The following AGMO variants were observed in gnomAD, a reference collection of about 807,000 sequenced individuals.
AGMO encodes glyceryl-ether monooxygenase.
Under a neutral mutation model 60.2 loss-of-function variants are expected in AGMO, and 75 were observed. The observed-to-expected ratio is 1.25, with a 90% CI of 1.03 to 1.51. The LOEUF is 1.51. Ranked by LOEUF, AGMO falls within the 40% of genes most tolerant of loss-of-function variation. AGMO has a pLI of 0.00. For synonymous variants in AGMO, 261 were observed against 177.1 expected, an observed-to-expected ratio of 1.47 and a Z score of -3.76; for missense variants, 763 against 525.5, an observed-to-expected ratio of 1.45 and a Z score of -4.42.
intron 3 of AGMO, among the ~76,000 whole-genome samples, chr7:15,445,071 A>T (rs1242031702): frequency 1.3e-5 from 2 of 152,186 alleles, no homozygotes; most frequent in Admixed American, 1.3e-4. Context: ...AATATTTTTT[A>T]ATAATTTTTT....
intron 5 of AGMO, among the ~76,000 whole-genome samples, chr7:15,411,256 C>T (rs544731304): frequency 6.6e-6 from 1 of 152,046 alleles, no homozygotes; most frequent in South Asian, 2.1e-4. Context: ...GCCAAATAAA[C>T]TTCTATTATT....
intron 3 of AGMO, among the ~76,000 whole-genome samples, chr7:15,520,199 A>C (rs1240628399): frequency 6.6e-6 from 1 of 152,170 alleles, no homozygotes; most frequent in African/African-American, 2.4e-5. Flanking sequence ...TTCATAAAGC[A>C]AGTGCTTAGA....
chr7:15,135,482 T>C, the AGMO span, among the ~76,000 whole-genome samples: 4 of 152,216 alleles, frequency 2.6e-5, no homozygotes, highest in Non-Finnish European at 5.9e-5. Context: ...TCTTCAATGT[T>C]TGGAAACAGG....
chr7:15,157,567 A>C, the AGMO span, among the ~76,000 whole-genome samples: 4 of 152,026 alleles, frequency 2.6e-5, no homozygotes, highest in African/African-American at 4.8e-5. Flanking sequence ...CCCCGATCCC[A>C]CACTCCCACC....
At chr7:15,535,196 C>G (rs1427156940) in intron 3 of AGMO, among the ~76,000 whole-genome samples, 2 of 151,822 alleles carry the variant, frequency 1.3e-5, no homozygotes, top group African/African-American at 4.8e-5. Context: ...CAGAGCCTGT[C>G]TCTCGGGGAT....
intron 12 of AGMO, among the ~76,000 whole-genome samples, chr7:15,240,264 T>C (rs920288765): frequency 6.6e-6 from 1 of 152,188 alleles, no homozygotes; most frequent in Non-Finnish European, 1.5e-5. Context: ...ACCATAAATA[T>C]ATTTTTAGCA....
rs539694459 is a variant in AGMO at position 15,372,506 on chromosome 7, T to G, written c.1075-6284A>C. Among the ~76,000 whole-genome samples, 3 of 152,232 alleles carry G rather than the reference T, an allele frequency of 2.0e-5. No homozygotes were observed. The South Asian group carries it at 6.2e-4, about 32-fold the overall frequency. On this transcript the variant is annotated intron_variant, in intron 10 of 12. Coordinates refer to ENST00000342526, the MANE Select transcript of AGMO (RefSeq NM_001004320.2). Reference sequence around the variant, plus strand: ...ACAAATTCATTCCATGAATATATATTGAATATGTGCTGGGCACTATGGTAA... The same window carrying G: ...ACAAATTCATTCCATGAATATATATGGAATATGTGCTGGGCACTATGGTAA...
At chr7:15,284,687 A>T (rs941938693) in intron 12 of AGMO, among the ~76,000 whole-genome samples, 26 of 152,080 alleles carry the variant, frequency 1.7e-4, no homozygotes, top group South Asian at 2.1e-4. Flanking sequence ...AGTCCAAAAG[A>T]TTCAGAAGGA....
chr7:15,132,771 G>C, the AGMO span, among the ~76,000 whole-genome samples: 1 of 152,138 alleles, frequency 6.6e-6, no homozygotes, highest in African/African-American at 2.4e-5. Flanking sequence ...TTAAACCATA[G>C]ATAAATGACA....
At chr7:15,473,586 C>A (rs1280177092) in intron 3 of AGMO, among the ~76,000 whole-genome samples, 2 of 152,026 alleles carry the variant, frequency 1.3e-5, no homozygotes, top group African/African-American at 2.4e-5. Context: ...CTATTTATGG[C>A]AAACCCACAG....
chr7:15,464,760 C>G (rs1472295877), intron 3 of AGMO, among the ~76,000 whole-genome samples: 2 of 152,072 alleles, frequency 1.3e-5, no homozygotes, highest in African/African-American at 4.8e-5. Flanking sequence ...AGGCTTTCTT[C>G]CTAAAAAGAG....
intron 12 of AGMO, among the ~76,000 whole-genome samples, chr7:15,216,839 T>TGTGA: frequency 6.7e-6 from 1 of 149,716 alleles, no homozygotes; most frequent in Non-Finnish European, 1.5e-5. Flanking sequence ...AAAAAGTGTG[T>TGTGA]GTGTGTGTGT....
intron 3 of AGMO, among the ~76,000 whole-genome samples, chr7:15,483,539 C>G (rs1026320868): frequency 6.6e-5 from 10 of 152,058 alleles, no homozygotes; most frequent in African/African-American, 2.4e-4. Flanking sequence ...TACTGCACTA[C>G]AGCCTGGGTG....
At chr7:15,180,563 T>C in the AGMO span, among the ~76,000 whole-genome samples, 1 of 152,138 alleles carries the variant, frequency 6.6e-6, no homozygotes, top group Admixed American at 6.5e-5. Context: ...ACTTAAGTGA[T>C]CTCTAAGAAG....
chr7:15,516,766 T>C (rs569686668), intron 3 of AGMO, among the ~76,000 whole-genome samples: 1,999 of 152,250 alleles, frequency 0.013, 43 homozygotes, highest in African/African-American at 0.046. Context: ...ATCCTTTTTT[T>C]TTTTCAGGTT....
chr7:15,379,645 C>G (rs181534250), intron 10 of AGMO, among the ~76,000 whole-genome samples: 2 of 152,048 alleles, frequency 1.3e-5, no homozygotes, highest in South Asian at 4.1e-4. Context: ...CAGCACCAGA[C>G]AGATTCACAG....
intron 12 of AGMO, among the ~76,000 whole-genome samples, chr7:15,287,144 A>T (rs2128520674): frequency 6.6e-6 from 1 of 152,248 alleles, no homozygotes; most frequent in South Asian, 2.1e-4. Context: ...TCAGGTGATG[A>T]ATGCAATAAA....
intron 5 of AGMO, among the ~76,000 whole-genome samples, chr7:15,394,472 C>T (rs138902684): frequency 5.4e-4 from 82 of 152,176 alleles, no homozygotes; most frequent in African/African-American, 2.0e-3. Context: ...CCTGGGGAAA[C>T]GACTAGGTTT....
chr7:15,236,513 A>G (rs1782423756), intron 12 of AGMO, among the ~76,000 whole-genome samples: 1 of 152,144 alleles, frequency 6.6e-6, no homozygotes, highest in African/African-American at 2.4e-5. Flanking sequence ...GTTAGATGTG[A>G]CAATGCTGTT....
Sources: allele counts gnomAD v4.1 joint callset (sites outside exome capture counted in the v4.1 genomes callset), GRCh38; gene constraint gnomAD v4.1.1; transcripts MANE v1.5; gene names NCBI Gene and HGNC (gene_info 2026-07-23, HGNC 2026-07-21).